Variants in GRIK2 observed in about 807,000 individuals in gnomAD.
GRIK2 encodes glutamate ionotropic receptor kainate type subunit 2.
Under a neutral mutation model 100.3 loss-of-function variants are expected in GRIK2, and 32 were observed. The ratio of observed to expected loss-of-function variants is 0.32; its 90% CI spans 0.24 to 0.43. GRIK2 has a LOEUF of 0.43. Among genes scored for constraint, GRIK2 ranks in the 20% least tolerant of loss-of-function variants. The pLI, the probability that GRIK2 is intolerant of heterozygous loss-of-function variation, is 1.00. For missense variants in GRIK2, 843 were observed against 1,114.9 expected (o/e 0.76, Z 3.47); for synonymous variants, 417 against 389.4 (o/e 1.07, Z -0.83).
At chr6:101,826,354 A>G (rs1782329721) in intron 10 of GRIK2, among the ~76,000 whole-genome samples, 1 of 152,060 alleles carries the variant, frequency 6.6e-6, no homozygotes, top group Non-Finnish European at 1.5e-5. Context: ...TAGATAGGGC[A>G]AAAATCTATT....
At chr6:101,631,439 T>C (rs771096560) in intron 4 of GRIK2, among the ~76,000 whole-genome samples, 46 of 151,852 alleles carry the variant, frequency 3.0e-4, no homozygotes, top group Non-Finnish European at 5.7e-4. Context: ...CTTCAGAAAA[T>C]ACAAGAAGGG....
intron 14 of GRIK2, among the ~76,000 whole-genome samples, chr6:101,999,377 T>C (rs1403574239): frequency 6.6e-6 from 1 of 152,132 alleles, no homozygotes; most frequent in African/African-American, 2.4e-5. Context: ...ACAGACTGTA[T>C]TTCATCATTA....
intron 12 of GRIK2, among the ~76,000 whole-genome samples, chr6:101,912,591 G>A (rs184343786): frequency 6.6e-6 from 1 of 151,678 alleles, no homozygotes; most frequent in East Asian, 1.9e-4. Flanking sequence ...GCTAACAGGG[G>A]TGGGTATTAT....
At chr6:101,618,078 A>AT (rs1330858044) in intron 2 of GRIK2, among the ~76,000 whole-genome samples, 3 of 151,532 alleles carry the variant, frequency 2.0e-5, no homozygotes, top group African/African-American at 7.3e-5. Context: ...AATATGTCAC[A>AT]TTTTTACCTT....
intron 10 of GRIK2, among the ~76,000 whole-genome samples, chr6:101,840,045 C>T (rs928962572): frequency 6.6e-6 from 1 of 152,088 alleles, no homozygotes. Flanking sequence ...TCAGGGAGCA[C>T]ATACGTGTTT....
intron 14 of GRIK2, among the ~76,000 whole-genome samples, chr6:101,968,621 T>C (rs373485102): frequency 1.3e-5 from 2 of 152,168 alleles, no homozygotes; most frequent in East Asian, 3.9e-4. Context: ...TTTCTTCACA[T>C]TGATTTGGCT....
chr6:102,011,703 C>T (rs1190055719), intron 14 of GRIK2, among the ~76,000 whole-genome samples: 2 of 150,870 alleles, frequency 1.3e-5, no homozygotes, highest in Non-Finnish European at 3.0e-5. Flanking sequence ...CCTGCCTCAG[C>T]CTCTCCGAGT....
chr6:101,651,865 T>G (rs550103888), intron 4 of GRIK2, among the ~76,000 whole-genome samples: 1 of 152,172 alleles, frequency 6.6e-6, no homozygotes, highest in South Asian at 2.1e-4. Context: ...AACATGAAAT[T>G]GGATGAGATC....
At chr6:101,779,683 C>A (rs903009832) in intron 7 of GRIK2, among the ~76,000 whole-genome samples, 1 of 152,158 alleles carries the variant, frequency 6.6e-6, no homozygotes, top group Non-Finnish European at 1.5e-5. Context: ...CCCTGTCTGG[C>A]TGGTACCTAC....
Position 101,891,516 on chromosome 6 carries a change from CAAAAA to C in GRIK2, c.1748+1670_1748+1674del, listed in dbSNP as rs5878701. 4.7e-3 allele frequency: 928 copies of C among 197,504 alleles called. 6 individuals are homozygous for C. Among genetic ancestry groups the C allele is most frequent in the African/African-American group, 0.039 (617 of 15,642 alleles). 12.2% of individuals were successfully genotyped at this position (197,504 alleles called of 1,614,324 possible). ...TGGGAGATATAGCAGGACTCCATCT[CAAAAA>C]AAAAAAAAAAAAAAAAGGTGGATTA... On this transcript the variant is annotated intron_variant, in intron 12 of 16. Transcript: ENST00000369134.
At chr6:101,871,327 A>G (rs1453981548) in intron 11 of GRIK2, among the ~76,000 whole-genome samples, 2 of 151,860 alleles carry the variant, frequency 1.3e-5, no homozygotes, top group African/African-American at 4.8e-5. Flanking sequence ...TGCTTTCATA[A>G]TCATTCTATT....
At chr6:101,406,609 G>A (rs1187832639) in intron 2 of GRIK2, among the ~76,000 whole-genome samples, 2 of 152,092 alleles carry the variant, frequency 1.3e-5, no homozygotes, top group Non-Finnish European at 2.9e-5. Flanking sequence ...AGGATCGATC[G>A]ATACTGTCTG....
intron 2 of GRIK2, among the ~76,000 whole-genome samples, chr6:101,537,955 GA>G (rs1775796497): frequency 6.6e-6 from 1 of 151,678 alleles, no homozygotes; most frequent in Non-Finnish European, 1.5e-5. Flanking sequence ...TGATGGAGAT[GA>G]ACTATTCAGT....
chr6:101,692,810 T>C (rs1562314712), intron 7 of GRIK2, among the ~76,000 whole-genome samples: 1 of 152,054 alleles, frequency 6.6e-6, no homozygotes, highest in Non-Finnish European at 1.5e-5. Context: ...AAAAAACATT[T>C]TGGGGTCCAT....
intron 2 of GRIK2, among the ~76,000 whole-genome samples, chr6:101,603,197 C>T (rs746665591): frequency 6.6e-6 from 1 of 151,642 alleles, no homozygotes; most frequent in Non-Finnish European, 1.5e-5. Flanking sequence ...TCAACATATA[C>T]ACCCACAGTA....
intron 15 of GRIK2, among the ~76,000 whole-genome samples, chr6:102,041,393 C>CAGAT (rs1313015596): frequency 6.6e-6 from 1 of 151,612 alleles, no homozygotes; most frequent in Non-Finnish European, 1.5e-5. Context: ...CAGACTATGT[C>CAGAT]AGATAGTTGT....
At chr6:101,875,008 G>A (rs1785721549) in intron 11 of GRIK2, among the ~76,000 whole-genome samples, 1 of 152,050 alleles carries the variant, frequency 6.6e-6, no homozygotes, top group South Asian at 2.1e-4. Flanking sequence ...CTGAGATGAT[G>A]GGGTTTTCTA....
At chr6:101,809,715 C>T (rs537414388) in intron 9 of GRIK2, among the ~76,000 whole-genome samples, 5 of 152,108 alleles carry the variant, frequency 3.3e-5, no homozygotes, top group African/African-American at 1.2e-4. Context: ...ATGTTTGCTT[C>T]TCTAAAAACA....
chr6:101,990,431 T>C (rs1794291988), intron 14 of GRIK2, among the ~76,000 whole-genome samples: 1 of 151,722 alleles, frequency 6.6e-6, no homozygotes, highest in African/African-American at 2.4e-5. Context: ...ACTATATCTC[T>C]GTTCATTTTC....
Sources: allele counts gnomAD v4.1 joint callset (sites outside exome capture counted in the v4.1 genomes callset), GRCh38; gene constraint gnomAD v4.1.1; transcripts MANE v1.5; gene names NCBI Gene and HGNC (gene_info 2026-07-23, HGNC 2026-07-21).